The following TSGA10 variants were observed in gnomAD, a reference collection of about 807,000 sequenced individuals.
The protein encoded by TSGA10 is testis specific 10, also known as testis-specific gene 10 protein.
Under a neutral mutation model 96.6 loss-of-function variants are expected in TSGA10, and 43 were observed. The ratio of observed to expected loss-of-function variants is 0.44; its 90% CI spans 0.35 to 0.57. TSGA10 has a LOEUF of 0.57. TSGA10 is among the 20% of genes least tolerant of loss of function. TSGA10 has a pLI of 0.01. For synonymous variants in TSGA10, 229 were observed against 269.9 expected (o/e 0.85, Z 1.48); for missense variants, 703 against 834.4 (o/e 0.84, Z 1.94).
intron 16 of TSGA10, among the ~76,000 whole-genome samples, chr2:99,047,757 A>G (rs1030711480): frequency 1.3e-5 from 2 of 152,214 alleles, no homozygotes; most frequent in African/African-American, 4.8e-5. Context: ...AGGGCATTCA[A>G]TTAGGAAAAG....
chr2:99,089,371 C>G (rs1322004180), intron 10 of TSGA10, among the ~76,000 whole-genome samples: 1 of 152,190 alleles, frequency 6.6e-6, no homozygotes, highest in Non-Finnish European at 1.5e-5. Flanking sequence ...AATTTTGTAA[C>G]AATTCCAACC....
intron 1 of TSGA10, among the ~76,000 whole-genome samples, chr2:99,153,770 A>G (rs1357527057): frequency 2.0e-5 from 3 of 152,226 alleles, no homozygotes; most frequent in Admixed American, 1.3e-4. Flanking sequence ...AAAAGGTGTG[A>G]TAATAAAGAA....
intron 2 of TSGA10, among the ~76,000 whole-genome samples, chr2:99,122,157 T>C (rs2104950981): frequency 6.6e-6 from 1 of 152,366 alleles, no homozygotes; most frequent in South Asian, 2.1e-4. Context: ...ACAGTCTTGA[T>C]TACTGTAGTT....
intron 16 of TSGA10, among the ~76,000 whole-genome samples, chr2:99,061,082 C>A (rs866078471): frequency 1.3e-5 from 2 of 152,152 alleles, no homozygotes; most frequent in African/African-American, 4.8e-5. Flanking sequence ...TGTAAAACTT[C>A]TGCTCTTAGA....
intron 1 of TSGA10, among the ~76,000 whole-genome samples, chr2:99,143,525 C>T (rs1016067176): frequency 2.0e-5 from 3 of 150,736 alleles, no homozygotes; most frequent in African/African-American, 7.3e-5. Context: ...GGCTGGAGTG[C>T]GTTGGCATGA....
Position 99,081,286 on chromosome 2 carries a change from T to C in TSGA10, c.723A>G (p.Lys241=). 1.3e-6 allele frequency: 2 copies of C among 1,542,964 alleles called. No homozygotes were observed. The highest frequency in any genetic ancestry group is 8.7e-7 in the Non-Finnish European group (1 of 1,144,752). Residue 241 remains lysine, a synonymous_variant, in exon 11 of 21, where the codon AAA becomes AAG. Transcript: ENST00000393483. The stretch of plus-strand genomic sequence containing the variant: ...TATTAAGAGAAAAAAACTCACCAAT[T>C]TTTTCATCCAAGCACATAATTTTCT... ...TQEKIMCLDE[K]IDNFTRQNIA...
intron 12 of TSGA10, among the ~76,000 whole-genome samples, chr2:99,074,082 G>A (rs556705889): frequency 3.9e-5 from 5 of 129,484 alleles, no homozygotes; most frequent in South Asian, 2.4e-4. Context: ...GCGCGATCTC[G>A]GCTCACTGCA....
chr2:99,141,127 G>A, intron 1 of TSGA10: 1 of 1,280,528 alleles, frequency 7.8e-7, no homozygotes, highest in Non-Finnish European at 1.0e-6. Context: ...CCGCCGTCCT[G>A]CCCAGAGCTC....
intron 20 of TSGA10, among the ~76,000 whole-genome samples, chr2:99,008,256 G>A: frequency 6.6e-6 from 1 of 151,966 alleles, no homozygotes. Flanking sequence ...AAGATTAAAA[G>A]ACAAATGACA....
chr2:99,062,743 GACAA>G (rs1030324172), intron 16 of TSGA10, among the ~76,000 whole-genome samples: 42 of 152,094 alleles, frequency 2.8e-4, no homozygotes, highest in African/African-American at 9.4e-4. Flanking sequence ...CAAACAAACA[GACAA>G]ACAAACTTTA....
intron 16 of TSGA10, among the ~76,000 whole-genome samples, chr2:99,058,360 A>C (rs2084240528): frequency 1.3e-5 from 2 of 152,228 alleles, no homozygotes; most frequent in African/African-American, 2.4e-5. Flanking sequence ...GTAGGGGAAA[A>C]TACATACCTT....
intron 20 of TSGA10, among the ~76,000 whole-genome samples, chr2:99,010,662 T>C (rs747208232): frequency 9.9e-5 from 15 of 152,132 alleles, no homozygotes; most frequent in Admixed American, 1.3e-4. Context: ...GCCAGCAGAA[T>C]TGGGGAGGGG....
rs200309936 is a variant in TSGA10 at position 99,085,609 on chromosome 2, TAAA to T, written c.612-4215_612-4213del. Among the ~76,000 whole-genome samples the T allele has an allele frequency of 2.7e-4, 14 of 52,462 alleles. 1 individual carries two copies. Among genetic ancestry groups the T allele is most frequent in the African/African-American group, 9.4e-4 (8 of 8,466 alleles). The allele number at this position is 52,462 out of a possible 152,430, so 34.4% of individuals were successfully genotyped here. On this transcript the variant is annotated intron_variant, in intron 10 of 20. Transcript: ENST00000393483. ...GGGCAACAGAGGGCAATCCTGTCTTTAAAAAAAAAAAAAAAAAAAAAAAAAGTT... is the reference window on the plus strand; with the variant it reads ...GGGCAACAGAGGGCAATCCTGTCTTTAAAAAAAAAAAAAAAAAAAAAAGTT...
chr2:99,007,057 C>T (rs2078552565), intron 20 of TSGA10, among the ~76,000 whole-genome samples: 1 of 152,056 alleles, frequency 6.6e-6, no homozygotes, highest in Non-Finnish European at 1.5e-5. Flanking sequence ...AAACCAAACA[C>T]CGCATGTTCT....
intron 1 of TSGA10, among the ~76,000 whole-genome samples, chr2:99,132,421 G>A (rs1485028058): frequency 1.3e-5 from 2 of 151,990 alleles, no homozygotes; most frequent in Non-Finnish European, 2.9e-5. Context: ...GTGTAGAGAC[G>A]TTTATAGTAT....
chr2:99,115,680 T>C (rs1409757422), intron 4 of TSGA10, among the ~76,000 whole-genome samples: 1 of 152,056 alleles, frequency 6.6e-6, no homozygotes. Context: ...AGGAGTTCAA[T>C]ACCAGCCTGG....
chr2:99,065,085 C>T lies in TSGA10; in HGVS notation c.1258G>A (p.Ala420Thr). 1 of 1,613,454 alleles carries T rather than the reference C, an allele frequency of 6.2e-7. No homozygotes were observed. The highest frequency in any genetic ancestry group is 1.3e-5 in the African/African-American group (1 of 74,982). The change falls in exon 16 of 21, where the codon GCC becomes ACC. Residue 420 changes from alanine to threonine, a missense_variant. Ala to Thr is a moderately conservative substitution (Grantham distance 58, BLOSUM62 0). Around this residue, in one of 3 missense-constraint regions of TSGA10, gnomAD observed 585 missense variants for 656.8 expected, o/e 0.89. Transcript: ENST00000393483. ...TCCCAGTTTTCAGCATCTTCATTGGCTTTTCGAAGTTGTTCCATCATTTGC... is the reference window on the plus strand; with the variant it reads ...TCCCAGTTTTCAGCATCTTCATTGGTTTTTCGAAGTTGTTCCATCATTTGC... ...NRQMMEQLRK[A>T]NEDAENWENK...
chr2:99,146,741 G>C (rs1413050398), intron 1 of TSGA10, among the ~76,000 whole-genome samples: 1 of 152,076 alleles, frequency 6.6e-6, no homozygotes, highest in African/African-American at 2.4e-5. Context: ...CGATTCTCCT[G>C]CCTCAGCCTC....
In TSGA10 at chr2:99,018,591, A is replaced by G. The variant is rs748491473; in HGVS notation, c.1867T>C (p.Leu623=). Residue 623 remains leucine, a synonymous_variant, in exon 19 of 21, where the codon TTG becomes CTG. Coordinates refer to ENST00000393483, the MANE Select transcript of TSGA10 (RefSeq NM_025244.4). ...VAQFRNVVTQ[L]EADLDITKRQ... ...TTGGTAATGTCTAAATCAGCTTCCA[A>G]TTGTGTGACAACATTTCTGAACTGG... The G allele has an allele frequency of 3.1e-6, 5 of 1,613,896 alleles. No homozygotes were observed. Among genetic ancestry groups the G allele is most frequent in the Non-Finnish European group, 3.4e-6 (4 of 1,179,974 alleles).
Sources: gnomAD v4.1 joint callset for allele counts (sites outside exome capture counted in the v4.1 genomes callset) on GRCh38, gnomAD v4.1.1 for gene constraint, gnomAD v4.1.1 regional missense constraint, MANE v1.5 for transcripts, NCBI Gene and HGNC (gene_info 2026-07-23, HGNC 2026-07-21) for gene names.